CAMTA1: variants seen among roughly 807,000 people sequenced by gnomAD.
The protein encoded by CAMTA1 is calmodulin binding transcription activator 1, also known as calmodulin-binding transcription activator 1.
A neutral mutation model predicts 170.9 loss-of-function variants in CAMTA1; 27 were observed. That is an observed-to-expected ratio of 0.16 (90% CI 0.12 to 0.22). The LOEUF (loss-of-function observed/expected upper bound fraction) is 0.22. CAMTA1 is among the 10% of genes least tolerant of loss of function. CAMTA1 has a pLI of 1.00. For synonymous variants in CAMTA1, 833 were observed against 891.5 expected (o/e 0.93, Z 1.17); for missense variants, 1,619 against 2,217.2 (o/e 0.73, Z 5.42).
intron 3 of CAMTA1, among the ~76,000 whole-genome samples, chr1:6,847,130 A>C (rs1039901769): frequency 1.3e-5 from 2 of 151,328 alleles, no homozygotes; most frequent in African/African-American, 4.9e-5. Flanking sequence ...CAGCCTACCG[A>C]GTAGCTGGGA....
At chr1:6,949,585 C>G (rs1371452483) in intron 3 of CAMTA1, among the ~76,000 whole-genome samples, 2 of 152,192 alleles carry the variant, frequency 1.3e-5, no homozygotes, top group Admixed American at 6.5e-5. Flanking sequence ...CCCATCCAAT[C>G]CCCCTTCAGA....
chr1:7,699,393 T>C (rs533432167), intron 11 of CAMTA1, among the ~76,000 whole-genome samples: 2 of 152,330 alleles, frequency 1.3e-5, no homozygotes, highest in Non-Finnish European at 2.9e-5. Flanking sequence ...ATGTATGGAC[T>C]TGTGGCTGGC....
At chr1:7,735,108 C>T (rs1211626232) in intron 12 of CAMTA1, among the ~76,000 whole-genome samples, 1 of 152,128 alleles carries the variant, frequency 6.6e-6, no homozygotes, top group Non-Finnish European at 1.5e-5. Context: ...TCTCAGTATT[C>T]TTTTTACTTT....
intron 5 of CAMTA1, among the ~76,000 whole-genome samples, chr1:7,357,179 G>A (rs564035309): frequency 5.1e-4 from 77 of 152,320 alleles, no homozygotes; most frequent in African/African-American, 1.8e-3. Flanking sequence ...CAGTCTCCTG[G>A]AGCATCCTAC....
chr1:7,107,278 A>ATGTGTG (rs148905936), intron 4 of CAMTA1, among the ~76,000 whole-genome samples: 11,460 of 142,134 alleles, frequency 0.081, 483 homozygotes, highest in African/African-American at 0.11. Flanking sequence ...GTGTGTGTGC[A>ATGTGTG]TGTGTGTGTG....
chr1:7,503,833 T>A (rs1420408282), intron 6 of CAMTA1, among the ~76,000 whole-genome samples: 2 of 151,948 alleles, frequency 1.3e-5, no homozygotes, highest in African/African-American at 4.8e-5. Flanking sequence ...GCTGACGGAG[T>A]TCCCTGCAAG....
In CAMTA1 at chr1:7,767,959, T is replaced by G. The variant is rs549564550; in HGVS notation, c.*1468T>G. The G allele has an allele frequency of 8.5e-5, 13 of 152,632 alleles. No individual in the cohort carries two copies. In the East Asian group the frequency reaches 2.3e-3, roughly 27 times the overall value. The allele number at this position is 152,632 out of a possible 1,614,324, so 9.5% of individuals were successfully genotyped here. ...TTGGCTACCAGGAGTTTAGTTTATT[T>G]TATTTAAAATTTTTTTGCCAATGGT... On this transcript the variant is annotated 3_prime_UTR_variant, in exon 23 of 23. Transcript: ENST00000303635.
At chr1:6,840,159 A>G (rs1022786884) in intron 3 of CAMTA1, among the ~76,000 whole-genome samples, 2 of 152,152 alleles carry the variant, frequency 1.3e-5, no homozygotes, top group Non-Finnish European at 2.9e-5. Flanking sequence ...AGATCGTGCC[A>G]TTGCACTCCA....
intron 6 of CAMTA1, among the ~76,000 whole-genome samples, chr1:7,595,903 G>A (rs1030229948): frequency 6.6e-6 from 1 of 152,158 alleles, no homozygotes; most frequent in Non-Finnish European, 1.5e-5. Context: ...TAGCCAAAAG[G>A]ATGACATCCC....
chr1:6,939,506 C>G (rs181083227), intron 3 of CAMTA1, among the ~76,000 whole-genome samples: 212 of 152,336 alleles, frequency 1.4e-3, no homozygotes, highest in African/African-American at 4.9e-3. Flanking sequence ...GCTCTGGGCT[C>G]AGGACCCAGC....
intron 4 of CAMTA1, among the ~76,000 whole-genome samples, chr1:7,149,178 G>T (rs541445348): frequency 6.6e-5 from 10 of 152,210 alleles, no homozygotes; most frequent in Non-Finnish European, 1.5e-4. Flanking sequence ...TGGAGAGGGC[G>T]GCTTTCCCCG....
At position 7,050,958 on chromosome 1, in the gene CAMTA1, A is replaced by G. The variant is rs1706249894; in HGVS notation, c.235-40346A>G. ...CTCTGTACTGTGTGTTCCCAGGCACAGGGAGAATGACTGTGCTGCCTCTTT... is the reference window on the plus strand; with the variant it reads ...CTCTGTACTGTGTGTTCCCAGGCACGGGGAGAATGACTGTGCTGCCTCTTT... On this transcript the variant is annotated intron_variant, in intron 3 of 22. Transcript: ENST00000303635. This position sits in a 1 kb window ranked among gnomAD's most constrained non-coding sequence, Gnocchi z 4.8. Among the ~76,000 whole-genome samples, 3 of 152,216 alleles carry G rather than the reference A, an allele frequency of 2.0e-5. No homozygotes were observed. Among genetic ancestry groups the G allele is most frequent in the African/African-American group, 4.8e-5 (2 of 41,440 alleles).
At chr1:7,516,364 A>C (rs541284465) in intron 6 of CAMTA1, among the ~76,000 whole-genome samples, 6 of 152,318 alleles carry the variant, frequency 3.9e-5, no homozygotes, top group Admixed American at 3.9e-4. Flanking sequence ...CTCCTGTTGG[A>C]GTCACACTGT....
chr1:7,209,732 T>C (rs1658418687), intron 4 of CAMTA1, among the ~76,000 whole-genome samples: 1 of 152,178 alleles, frequency 6.6e-6, no homozygotes, highest in Non-Finnish European at 1.5e-5. Flanking sequence ...TCTTAATCCT[T>C]AGAGATTTCC....
intron 6 of CAMTA1, among the ~76,000 whole-genome samples, chr1:7,499,442 A>G (rs201339645): frequency 2.2e-3 from 53 of 23,586 alleles, no homozygotes; most frequent in Admixed American, 3.3e-3. Context: ...TGGTGTGCAT[A>G]TGTATATGAG....
chr1:7,560,898 C>T (rs1392145416), intron 6 of CAMTA1, among the ~76,000 whole-genome samples: 2 of 152,016 alleles, frequency 1.3e-5, no homozygotes, highest in Non-Finnish European at 2.9e-5. Flanking sequence ...CAGGAAGGAA[C>T]GCTGGGGTAT....
intron 5 of CAMTA1, among the ~76,000 whole-genome samples, chr1:7,466,025 C>T (rs1202834714): frequency 1.3e-5 from 2 of 152,284 alleles, no homozygotes; most frequent in South Asian, 4.1e-4. Context: ...TTGATATCTC[C>T]CTCCATTTGG....
intron 5 of CAMTA1, among the ~76,000 whole-genome samples, chr1:7,278,106 A>G (rs970357562): frequency 3.9e-5 from 6 of 152,248 alleles, no homozygotes; most frequent in African/African-American, 1.4e-4. Context: ...AAACGATATA[A>G]CTGCCTAAAA....
chr1:7,221,750 G>A lies in CAMTA1; in HGVS notation c.303-27741G>A, dbSNP rs552851676. Among the ~76,000 whole-genome samples the A allele has an allele frequency of 1.1e-3, 171 of 152,276 alleles. 1 individual carries two copies. The highest frequency in any genetic ancestry group is 3.8e-3 in the African/African-American group (158 of 41,552). On this transcript the variant is annotated intron_variant, in intron 4 of 22. Transcript: ENST00000303635. Reference sequence around the variant, plus strand: ...AACCGGCTAAGCTTTGGCTTTCTCAGAAATAGTTTGGGGATAATGATTCCT... The same window carrying A: ...AACCGGCTAAGCTTTGGCTTTCTCAAAAATAGTTTGGGGATAATGATTCCT...
Sources: gnomAD v4.1 joint callset for allele counts (sites outside exome capture counted in the v4.1 genomes callset) on GRCh38, gnomAD v4.1.1 for gene constraint, Gnocchi (gnomAD v3.1) non-coding constraint, MANE v1.5 for transcripts, NCBI Gene and HGNC (gene_info 2026-07-23, HGNC 2026-07-21) for gene names.